Variants in CAB39L observed in about 807,000 individuals in gnomAD.
CAB39L encodes the protein calcium binding protein 39 like, also known as calcium-binding protein 39-like.
In CAB39L, 23 loss-of-function variants were observed where a neutral mutation model predicts 39.1. The ratio of observed to expected loss-of-function variants is 0.59; its 90% confidence interval spans 0.42 to 0.83. The LOEUF (loss-of-function observed/expected upper bound fraction) is 0.83, where lower values mean the gene tolerates loss of function less well. Ranked by LOEUF, CAB39L falls within the 40% of genes least tolerant of loss-of-function variation. CAB39L has a pLI of 0.00. For missense variants in CAB39L, 366 were observed against 391.9 expected, an observed-to-expected ratio of 0.93 and a Z score of 0.56; for synonymous variants, 126 against 137.2, an observed-to-expected ratio of 0.92 and a Z score of 0.57.
chr13:49,323,656 A>G (rs997575294), intron 10 of CAB39L, among the ~76,000 whole-genome samples: 5 of 152,232 alleles, frequency 3.3e-5, no homozygotes, highest in Non-Finnish European at 2.9e-5. Context: ...GGAAGGATCT[A>G]AATATATTCA....
chr13:49,349,981 C>A (rs553223265), intron 7 of CAB39L, among the ~76,000 whole-genome samples: 1 of 152,024 alleles, frequency 6.6e-6, no homozygotes, highest in Non-Finnish European at 1.5e-5. Context: ...ATTCTCTGAA[C>A]ATTTTTTTGA....
Position 49,340,221 on chromosome 13 carries a change from A to G in CAB39L, c.625-479T>C, listed in dbSNP as rs532845928. ...ACGGCCCAACTAGTCTCTCTGGAGCACTTCACTCTCACCGGAAGCTGGGGA... is the reference window on the plus strand; with the variant it reads ...ACGGCCCAACTAGTCTCTCTGGAGCGCTTCACTCTCACCGGAAGCTGGGGA... On this transcript the variant is annotated intron_variant, in intron 8 of 10. Transcript: ENST00000409308. 5.6e-4 allele frequency among the ~76,000 whole-genome samples: 86 copies of G among 152,354 alleles called. 1 individual carries two copies. Among genetic ancestry groups the G allele is most frequent in the South Asian group, 2.5e-3 (12 of 4,830 alleles).
At chr13:49,368,865 C>T (rs1955838187) in intron 5 of CAB39L, among the ~76,000 whole-genome samples, 1 of 152,118 alleles carries the variant, frequency 6.6e-6, no homozygotes, top group South Asian at 2.1e-4. Flanking sequence ...TGAAAAAGAG[C>T]ATCCCTCACA....
At chr13:49,332,122 C>G (rs761571626) in intron 9 of CAB39L, 32 bp from the exon 10 acceptor site, 3 of 1,603,744 alleles carry the variant, frequency 1.9e-6, no homozygotes, top group East Asian at 4.5e-5. Context: ...AAGCTGTAAT[C>G]TCAGAGCCAC....
At chr13:49,355,881 T>C (rs1955470471) in intron 6 of CAB39L, among the ~76,000 whole-genome samples, 1 of 152,080 alleles carries the variant, frequency 6.6e-6, no homozygotes, top group Non-Finnish European at 1.5e-5. Context: ...AAAATGATAA[T>C]TAAAAGAAAA....
At chr13:49,386,030 C>A (rs1956351284) in intron 3 of CAB39L, among the ~76,000 whole-genome samples, 1 of 152,076 alleles carries the variant, frequency 6.6e-6, no homozygotes, top group South Asian at 2.1e-4. Context: ...CAAAGCACAA[C>A]AAAGGTGAAA....
At chr13:49,423,836 T>A (rs1299527999) in intron 3 of CAB39L, among the ~76,000 whole-genome samples, 1 of 152,134 alleles carries the variant, frequency 6.6e-6, no homozygotes, top group Non-Finnish European at 1.5e-5. Context: ...GAACAAAAAG[T>A]AATTGTAGAC....
At chr13:49,382,774 CATA>C in intron 4 of CAB39L, 23 bp downstream of exon 4, 1 of 1,408,010 alleles carries the variant, frequency 7.1e-7, no homozygotes. Context: ...GTACTTTAAT[CATA>C]ATGTTACTGT....
intron 5 of CAB39L, among the ~76,000 whole-genome samples, chr13:49,372,948 C>T (rs931090086): frequency 7.2e-5 from 11 of 152,352 alleles, no homozygotes; most frequent in Non-Finnish European, 1.5e-4. Context: ...GCTGGGATTA[C>T]AGGCATGAGC....
rs1220698718 is a variant in CAB39L at position 49,405,719 on chromosome 13, G to GAGAGGA, written c.-31-22779_-31-22778insTCCTCT. ...AAAGAAAGAAAGAAAGAAAGAGAGAGAGGAAGGAAGGAAGGAAGGAAGGAA... is the reference window on the plus strand; with the variant it reads ...AAAGAAAGAAAGAAAGAAAGAGAGAGAGAGGAAGGAAGGAAGGAAGGAAGGAAGGAA... On this transcript the variant is annotated intron_variant, in intron 3 of 10. Coordinates refer to ENST00000409308, the MANE Select transcript of CAB39L (RefSeq NM_001079670.3). Among the ~76,000 whole-genome samples, 776 of 95,054 alleles carry GAGAGGA rather than the reference G, an allele frequency of 8.2e-3. 10 individuals carry two copies. The highest frequency in any genetic ancestry group is 0.012 in the Non-Finnish European group (516 of 43,060). The allele number at this position is 95,054 out of a possible 152,430, so 62.4% of individuals were successfully genotyped here. A position where few individuals can be genotyped will look rare whatever the true frequency, so the allele number is the denominator to read the frequency against.
intron 4 of CAB39L, among the ~76,000 whole-genome samples, chr13:49,380,009 T>G (rs536587046): frequency 2.0e-5 from 3 of 152,166 alleles, no homozygotes; most frequent in African/African-American, 7.2e-5. Flanking sequence ...GCCCGGCTAA[T>G]TTTTATACTT....
intron 9 of CAB39L, among the ~76,000 whole-genome samples, chr13:49,336,681 T>C (rs960684048): frequency 2.0e-5 from 3 of 152,326 alleles, no homozygotes; most frequent in Non-Finnish European, 4.4e-5. Flanking sequence ...TTCAGAGCAC[T>C]GTCACCTCTG....
At chr13:49,396,835 C>G (rs1956645560) in intron 3 of CAB39L, among the ~76,000 whole-genome samples, 1 of 152,098 alleles carries the variant, frequency 6.6e-6, no homozygotes, top group East Asian at 1.9e-4. Flanking sequence ...CTGTAAGATT[C>G]ATTTTTTAAA....
chr13:49,371,281 G>T (rs1167452362), intron 5 of CAB39L, among the ~76,000 whole-genome samples: 1 of 148,948 alleles, frequency 6.7e-6, no homozygotes, highest in Non-Finnish European at 1.5e-5. Context: ...TCCTCCTCCT[G>T]GGTTCAAGCG....
At chr13:49,371,751 C>CT (rs925637343) in intron 5 of CAB39L, among the ~76,000 whole-genome samples, 19 of 152,062 alleles carry the variant, frequency 1.2e-4, no homozygotes, top group African/African-American at 4.3e-4. Flanking sequence ...CAGGCATACT[C>CT]TGCTAATTTT....
intron 7 of CAB39L, 60 bp from the exon 8 acceptor site, chr13:49,344,298 T>C: frequency 1.0e-6 from 1 of 959,726 alleles, no homozygotes; most frequent in Non-Finnish European, 1.7e-6. Context: ...TACAAATGTG[T>C]CTTTTCTAAG....
chr13:49,403,988 C>T (rs926936293), intron 3 of CAB39L, among the ~76,000 whole-genome samples: 2 of 152,194 alleles, frequency 1.3e-5, no homozygotes, highest in African/African-American at 4.8e-5. Context: ...CTAATGTATA[C>T]TATATATACT....
At chr13:49,357,594 A>C (rs926071358) in intron 6 of CAB39L, among the ~76,000 whole-genome samples, 5 of 152,234 alleles carry the variant, frequency 3.3e-5, no homozygotes, top group Admixed American at 1.3e-4. Context: ...AAAATGTTTT[A>C]GTTTTTAAAT....
intron 10 of CAB39L, among the ~76,000 whole-genome samples, chr13:49,318,455 AAAAGGAAAGG>A: frequency 0.23 from 40 of 174 alleles, 19 homozygotes; most frequent in African/African-American, 0.3. Flanking sequence ...CTGTGTCAAA[AAAAGGAAAGG>A]AAAGGAAAGG....
Sources: allele counts gnomAD v4.1 joint callset (sites outside exome capture counted in the v4.1 genomes callset), GRCh38; gene constraint gnomAD v4.1.1; transcripts MANE v1.5; gene names NCBI Gene and HGNC (gene_info 2026-07-23, HGNC 2026-07-21).